The following PLA2R1 variants were observed in gnomAD, a reference collection of about 807,000 sequenced individuals.
The protein encoded by PLA2R1 is secretory phospholipase A2 receptor.
In PLA2R1, 158 loss-of-function variants were observed where a neutral mutation model predicts 195.9. The observed-to-expected ratio is 0.81, with a 90% CI of 0.71 to 0.92. The LOEUF is 0.92. Among genes scored for constraint, PLA2R1 ranks in the 40% least tolerant of loss-of-function variants. PLA2R1 has a pLI of 0.00. For missense variants in PLA2R1, 1,626 were observed against 1,764.6 expected (o/e 0.92, Z 1.41); for synonymous variants, 586 against 598.2 (o/e 0.98, Z 0.30).
chr2:160,044,986 A>T lies in PLA2R1; in HGVS notation c.281T>A (p.Phe94Tyr), dbSNP rs1486380370. ...IGGSGCLGLN[F>Y]SAPEQPLSLY... ...GCTTAATGGCTGCTCTGGGGCGGAG[A>T]AATTCAGGCCCAGGCAACCACTGCC... is the stretch of plus-strand genomic sequence containing the variant. Residue 94 changes from phenylalanine (F) to tyrosine (Y), a missense_variant, in exon 2 of 30, where the codon TTC becomes TAC. Phe to Tyr is a conservative substitution (Grantham distance 22, BLOSUM62 3). Coordinates refer to ENST00000283243, the MANE Select transcript of PLA2R1 (RefSeq NM_007366.5). 6.2e-7 allele frequency: 1 copy of T among 1,613,846 alleles called. No homozygotes were observed. The highest frequency in any genetic ancestry group is 8.5e-7 in the Non-Finnish European group (1 of 1,179,866).
rs3063677 is a variant in PLA2R1, at chr2:159,993,453, T to TACACACACACACACACACAC, written c.1835-6115_1835-6096dup. 2.8e-3 allele frequency among the ~76,000 whole-genome samples: 408 copies of TACACACACACACACACACAC among 148,294 alleles called. 2 individuals are homozygous for TACACACACACACACACACAC. Among genetic ancestry groups the TACACACACACACACACACAC allele is most frequent in the African/African-American group, 9.7e-3 (391 of 40,270 alleles). On this transcript the variant is annotated intron_variant, in intron 11 of 29. Coordinates refer to ENST00000283243, the MANE Select transcript of PLA2R1 (RefSeq NM_007366.5). ...ATTTGAACTCAAAAAGTGTTTAATTTACACACACACACACACACACACACT... is the reference window on the plus strand; with the variant it reads ...ATTTGAACTCAAAAAGTGTTTAATTTACACACACACACACACACACACACACACACACACACACACACACT...
intron 11 of PLA2R1, among the ~76,000 whole-genome samples, chr2:160,000,083 T>A (rs1691490899): frequency 6.6e-6 from 1 of 152,184 alleles, no homozygotes; most frequent in Non-Finnish European, 1.5e-5. Context: ...TTCTTTCCAA[T>A]TCTGGAGACC....
At chr2:160,050,055 C>G (rs1695122541) in intron 1 of PLA2R1, among the ~76,000 whole-genome samples, 1 of 152,146 alleles carries the variant, frequency 6.6e-6, no homozygotes, top group African/African-American at 2.4e-5. Context: ...ACCACCATGG[C>G]ACACATTTCC....
At chr2:160,053,353 G>T (rs868105849) in intron 1 of PLA2R1, among the ~76,000 whole-genome samples, 12 of 150,868 alleles carry the variant, frequency 8.0e-5, no homozygotes, top group Non-Finnish European at 1.6e-4. Flanking sequence ...TTTGGTGGGG[G>T]GGGGGGGAAC....
intron 3 of PLA2R1, among the ~76,000 whole-genome samples, chr2:160,039,686 C>T (rs534558625): frequency 1.3e-5 from 2 of 152,010 alleles, no homozygotes; most frequent in Admixed American, 6.5e-5. Context: ...TACCGGGAGC[C>T]AAAAGTAACA....
intron 10 of PLA2R1, among the ~76,000 whole-genome samples, chr2:160,011,463 A>C (rs915994969): frequency 6.6e-6 from 1 of 152,210 alleles, no homozygotes; most frequent in African/African-American, 2.4e-5. Context: ...AGGTATTCAA[A>C]AAAAATTTTC....
chr2:159,987,138 A>G lies in PLA2R1; in HGVS notation c.2037+18T>C, dbSNP rs1690403845. On this transcript the variant is annotated intron_variant, in intron 12 of 29. Transcript: ENST00000283243. ...AGTGTTGGTCCTGTTAAGAATGTCC[A>G]TGTAACCTTGGTATCACCTTGAAGC... is the stretch of plus-strand genomic sequence containing the variant. The G allele has an allele frequency of 6.3e-7, 1 of 1,576,336 alleles. No homozygotes were observed. The highest frequency in any genetic ancestry group is 8.7e-7 in the Non-Finnish European group (1 of 1,145,748).
At chr2:160,005,547 A>T in intron 11 of PLA2R1, 105 bp downstream of exon 11, 1 of 850,720 alleles carries the variant, frequency 1.2e-6, no homozygotes, top group Non-Finnish European at 1.8e-6. Context: ...TGATTTAGGC[A>T]TTAAGAAAAC....
At chr2:160,036,744 C>A (rs143342385) in intron 3 of PLA2R1, among the ~76,000 whole-genome samples, 6 of 152,202 alleles carry the variant, frequency 3.9e-5, no homozygotes, top group African/African-American at 1.4e-4. Context: ...ACTCCTAGCT[C>A]TTCCCCTCAC....
intron 13 of PLA2R1, among the ~76,000 whole-genome samples, chr2:159,981,488 C>T (rs1689953464): frequency 6.6e-6 from 1 of 152,068 alleles, no homozygotes; most frequent in Admixed American, 6.6e-5. Context: ...TCACTGCAAC[C>T]TCCTCTTCCC....
chr2:160,005,287 T>G (rs1198837759), intron 11 of PLA2R1, among the ~76,000 whole-genome samples: 1 of 151,956 alleles, frequency 6.6e-6, no homozygotes, highest in African/African-American at 2.4e-5. Flanking sequence ...ATACAAAAAT[T>G]AGCTGGGTGT....
chr2:160,051,228 A>G (rs1448422499), intron 1 of PLA2R1, among the ~76,000 whole-genome samples: 1 of 152,250 alleles, frequency 6.6e-6, no homozygotes, highest in African/African-American at 2.4e-5. Context: ...AGGGAACTGG[A>G]AGGAAAAGTT....
downstream of PLA2R1, among the ~76,000 whole-genome samples, chr2:159,929,852 TTGTGTGTG>T (rs749572220): frequency 6.8e-5 from 10 of 147,724 alleles, no homozygotes; most frequent in African/African-American, 2.5e-4. Context: ...TATTATATAT[TTGTGTGTG>T]TGTGTGTGTG....
At chr2:159,958,707 A>G (rs144567922) in intron 20 of PLA2R1, among the ~76,000 whole-genome samples, 2 of 152,172 alleles carry the variant, frequency 1.3e-5, no homozygotes, top group Non-Finnish European at 2.9e-5. Flanking sequence ...CAACAGGACA[A>G]TTTTGCCCCT....
chr2:159,976,048 G>A lies in PLA2R1; in HGVS notation c.2595+20C>T. The A allele has an allele frequency of 6.3e-7, 1 of 1,591,114 alleles. No individual in the cohort carries two copies. The highest frequency in any genetic ancestry group is 1.4e-5 in the African/African-American group (1 of 74,004). ...AGGTGCTAAACTCTGAATTTTTCGT[G>A]GTGAGTTATGTTCAAGTACCGCTTT... is the stretch of plus-strand genomic sequence containing the variant. On this transcript the variant is annotated intron_variant, in intron 17 of 29. Coordinates refer to ENST00000283243, the MANE Select transcript of PLA2R1 (RefSeq NM_007366.5).
chr2:159,945,087 G>A lies in PLA2R1; in HGVS notation c.3968-5C>T, dbSNP rs754886644. 2.1e-5 allele frequency: 34 copies of A among 1,599,772 alleles called. No homozygotes were observed. Among genetic ancestry groups the A allele is most frequent in the Non-Finnish European group, 2.5e-5 (29 of 1,171,280 alleles). On this transcript the variant is annotated splice_region_variant and splice_polypyrimidine_tract_variant and intron_variant, in intron 27 of 29. Coordinates refer to ENST00000283243, the MANE Select transcript of PLA2R1 (RefSeq NM_007366.5). ...CAAACCACTTTATGGTTTCATCTGT[G>A]AGAAAATTGCTGACTCATTATGAAT... is the stretch of plus-strand genomic sequence containing the variant.
chr2:159,989,268 T>A (rs1040572044), intron 11 of PLA2R1, among the ~76,000 whole-genome samples: 2 of 152,122 alleles, frequency 1.3e-5, no homozygotes, highest in African/African-American at 4.8e-5. Context: ...GTTGAATAAT[T>A]TCAGAATGCA....
chr2:160,031,023 T>A lies in PLA2R1; in HGVS notation c.841+1936A>T, dbSNP rs10929963. Among the ~76,000 whole-genome samples, 4 of 152,178 alleles carry A rather than the reference T, an allele frequency of 2.6e-5. No individual in the cohort carries two copies. The East Asian group carries it at 5.8e-4, about 22-fold the overall frequency. Reference sequence around the variant, plus strand: ...TTTTATATAAAAACCATTTCAGGCTTAAAATGATTTTGAAAATTGATGTTT... The same window carrying A: ...TTTTATATAAAAACCATTTCAGGCTAAAAATGATTTTGAAAATTGATGTTT... On this transcript the variant is annotated intron_variant, in intron 4 of 29. Coordinates refer to ENST00000283243, the MANE Select transcript of PLA2R1 (RefSeq NM_007366.5).
At chr2:159,951,284 A>T in intron 24 of PLA2R1, 56 bp downstream of exon 24, 1 of 892,300 alleles carries the variant, frequency 1.1e-6, no homozygotes, top group Admixed American at 1.9e-5. Context: ...ATCATGAAGG[A>T]GGTAGATGCT....
Sources: allele counts gnomAD v4.1 joint callset (sites outside exome capture counted in the v4.1 genomes callset), GRCh38; gene constraint gnomAD v4.1.1; transcripts MANE v1.5; gene names NCBI Gene and HGNC (gene_info 2026-07-23, HGNC 2026-07-21).